ZC3H4: variants seen among roughly 807,000 people sequenced by gnomAD.
The protein encoded by ZC3H4 is zinc finger CCCH-type containing 4.
Under a neutral mutation model 108.3 loss-of-function variants are expected in ZC3H4, and 13 were observed. The observed-to-expected ratio is 0.12, with a 90% confidence interval of 0.08 to 0.19. The LOEUF (loss-of-function observed/expected upper bound fraction) is 0.19. Among genes scored for constraint, ZC3H4 ranks in the 10% least tolerant of loss-of-function variants. The probability of loss-of-function intolerance (pLI) is 1.00; values close to 1 mark genes in which losing one functional copy is unlikely to be tolerated. For synonymous variants in ZC3H4, 917 were observed against 749.6 expected, an observed-to-expected ratio of 1.22 and a Z score of -3.65; for missense variants, 1,734 against 1,838.8, an observed-to-expected ratio of 0.94 and a Z score of 1.04.
chr19:47,074,576 G>A (rs976046862), intron 11 of ZC3H4, among the ~76,000 whole-genome samples: 1 of 152,226 alleles, frequency 6.6e-6, no homozygotes, highest in Non-Finnish European at 1.5e-5. Flanking sequence ...TTTTGGGAGG[G>A]CTCCCAGCAT....
At position 47,072,246 on chromosome 19, in the gene ZC3H4, G is replaced by C. The variant is rs187703549; in HGVS notation, c.1802+106C>G. 1.1e-3 allele frequency: 1,584 copies of C among 1,409,688 alleles called. 23 individuals are homozygous for C. In the African/African-American group the frequency reaches 0.02, roughly 18 times the overall value. The allele number at this position is 1,409,688 out of a possible 1,614,324, so 87.3% of individuals were successfully genotyped here. A position where few individuals can be genotyped will look rare whatever the true frequency, so the allele number is the denominator to read the frequency against. On this transcript the variant is annotated intron_variant, in intron 12 of 14. Transcript: ENST00000253048. The surrounding 1 kb of genome is among the most constrained non-coding windows in gnomAD (Gnocchi z 5.6). ...CCCCAGACCAGGACTCCCACAGCTG[G>C]GGAGAGAGGCAGGACTCTCCCACAG...
chr19:47,072,579 G>A lies in ZC3H4; in HGVS notation c.1575C>T (p.Gly525=), dbSNP rs1568535467. ...CGTTGGGAGAGGTTGGAGCCTGCGG[G>A]CCAGGGGGCCGAGGAGGGGTGGGCA... is the stretch of plus-strand genomic sequence containing the variant. ...GLLPTPPRPP[G]PQAPTSPNGR... Residue 525 remains glycine (G), a synonymous_variant, in exon 12 of 15, where the codon GGC becomes GGT. Coordinates refer to ENST00000253048, the MANE Select transcript of ZC3H4 (RefSeq NM_015168.2). This position sits in a 1 kb window ranked among gnomAD's most constrained non-coding sequence, Gnocchi z 5.6. 11 of 1,583,770 alleles carry A rather than the reference G, an allele frequency of 6.9e-6. No homozygotes were observed. Among genetic ancestry groups the A allele is most frequent in the Non-Finnish European group, 6.9e-6 (8 of 1,167,768 alleles).
intron 14 of ZC3H4, among the ~76,000 whole-genome samples, chr19:47,068,628 C>CATTTTACCCCAAAGTG (rs1330838385): frequency 6.8e-6 from 1 of 147,018 alleles, no homozygotes; most frequent in Admixed American, 6.6e-5. Context: ...CACCACTTGT[C>CATTTTACCCCAAAGTG]ATTTTACCCC....
Position 47,071,856 on chromosome 19 carries a change from G to C in ZC3H4, c.2068C>G (p.Pro690Ala). 1 of 1,613,744 alleles carries C rather than the reference G, an allele frequency of 6.2e-7. No homozygotes were observed. Residue 690 changes from proline (P) to alanine (A), a missense_variant, in exon 13 of 15, where the codon CCA becomes GCA. Physicochemically the swap from Pro to Ala is conservative, Grantham distance 27. This residue lies in a region of ZC3H4 where 540 missense variants were observed against 484.1 expected (regional missense o/e 1.12). Coordinates refer to ENST00000253048, the MANE Select transcript of ZC3H4 (RefSeq NM_015168.2). ...AAGTTTTCATAGAAGTTCTGGGCTG[G>C]CGGGATAGGGGGCATCATTCCAGAA... ...PHSGMMPPIP[P>A]AQNFYENFYQ...
At chr19:47,112,349 T>C in intron 2 of ZC3H4, 75 bp downstream of exon 2, 3 of 1,208,046 alleles carry the variant, frequency 2.5e-6, no homozygotes, top group South Asian at 4.1e-5. Context: ...CGGCCCAACA[T>C]GGCGGCCGCC....
At chr19:47,069,435 T>C in intron 13 of ZC3H4, 92 bp from the exon 14 acceptor site, 3 of 1,475,972 alleles carry the variant, frequency 2.0e-6, no homozygotes, top group Non-Finnish European at 1.8e-6. Context: ...CCCACACCGA[T>C]GGCGATGGAG....
intron 11 of ZC3H4, among the ~76,000 whole-genome samples, chr19:47,075,716 GCA>G (rs1363904198): frequency 1.3e-5 from 2 of 152,086 alleles, no homozygotes; most frequent in African/African-American, 4.8e-5. Context: ...CACAAACAAG[GCA>G]CAGAGATTTA....
At chr19:47,092,552 C>T (rs1459141013) in intron 4 of ZC3H4, among the ~76,000 whole-genome samples, 1 of 152,192 alleles carries the variant, frequency 6.6e-6, no homozygotes, top group African/African-American at 2.4e-5. Context: ...CACGGTGGCT[C>T]TCGCCTGTAA....
chr19:47,066,168 T>C lies in ZC3H4; in HGVS notation c.*188A>G, dbSNP rs1334720596. The C allele has an allele frequency of 3.8e-6, 2 of 525,178 alleles. No individual in the cohort carries two copies. The highest frequency in any genetic ancestry group is 3.2e-5 in the East Asian group (1 of 30,982). The allele number at this position is 525,178 out of a possible 1,614,324, so 32.5% of individuals were successfully genotyped here. ...CACTGACCAGAACTTAAGATGGTTATATACAATTTACAAATCTCAAAGAAA... is the reference window on the plus strand; with the variant it reads ...CACTGACCAGAACTTAAGATGGTTACATACAATTTACAAATCTCAAAGAAA... On this transcript the variant is annotated 3_prime_UTR_variant, in exon 15 of 15. Transcript: ENST00000253048.
Position 47,067,256 on chromosome 19 carries a change from G to A in ZC3H4, c.3012C>T (p.Ser1004=). The part of the protein sequence containing the change: ...AVPPVPAALQ[S]MPTLDPRLHR... ...GCAGCCGGGGGTCCAGGGTGGGCAT[G>A]GATTGCAGGGCCGCGGGCACGGGGG... Residue 1004 remains serine, a synonymous_variant, in exon 15 of 15, where the codon TCC becomes TCT. Transcript: ENST00000253048. The surrounding 1 kb of genome is among the most constrained non-coding windows in gnomAD (Gnocchi z 6.4). The A allele has an allele frequency of 1.9e-6, 3 of 1,597,092 alleles. No individual in the cohort carries two copies. Among genetic ancestry groups the A allele is most frequent in the South Asian group, 2.2e-5 (2 of 89,082 alleles).
chr19:47,105,427 C>G (rs1360784014), intron 2 of ZC3H4, among the ~76,000 whole-genome samples: 2 of 152,138 alleles, frequency 1.3e-5, no homozygotes, highest in African/African-American at 4.8e-5. Flanking sequence ...ACGGTGAAAC[C>G]CCATCTCTAC....
Position 47,089,643 on chromosome 19 carries a change from G to C in ZC3H4, c.715+324C>G, listed in dbSNP as rs569230085. Among the ~76,000 whole-genome samples the C allele has an allele frequency of 1.4e-4, 22 of 152,316 alleles. No individual in the cohort carries two copies. The East Asian group carries it at 4.2e-3, about 29-fold the overall frequency. On this transcript the variant is annotated intron_variant, in intron 5 of 14. Transcript: ENST00000253048. ...GCTGGGAGAATGGGGGAGCACTGCTGTGGGGTGTGGCAGCCAGCTGTCAGT... is the reference window on the plus strand; with the variant it reads ...GCTGGGAGAATGGGGGAGCACTGCTCTGGGGTGTGGCAGCCAGCTGTCAGT...
chr19:47,084,708 A>G (rs1398795870), intron 8 of ZC3H4, among the ~76,000 whole-genome samples: 1 of 152,204 alleles, frequency 6.6e-6, no homozygotes, highest in Non-Finnish European at 1.5e-5. Context: ...GTTCCACACA[A>G]CTGTGCAGGA....
chr19:47,097,070 G>A (rs559512798), intron 2 of ZC3H4: 1 of 842,898 alleles, frequency 1.2e-6, no homozygotes, highest in South Asian at 5.4e-5. Context: ...GGAACTCCAA[G>A]AGCCTTAACC....
Position 47,067,884 on chromosome 19 carries a change from A to C in ZC3H4, c.2399-15T>G. 6.4e-7 allele frequency: 1 copy of C among 1,569,474 alleles called. No homozygotes were observed. The highest frequency in any genetic ancestry group is 8.6e-7 in the Non-Finnish European group (1 of 1,161,196). On this transcript the variant is annotated splice_polypyrimidine_tract_variant and intron_variant, in intron 14 of 14. Transcript: ENST00000253048. This position sits in a 1 kb window ranked among gnomAD's most constrained non-coding sequence, Gnocchi z 6.4. ...TCCGGTGTCACCTGGGAAAGAACAG[A>C]GGAGCAGGGAGGGGTGAGTGGGCGC...
At chr19:47,078,800 A>C (rs1052834581) in intron 11 of ZC3H4, among the ~76,000 whole-genome samples, 1 of 152,104 alleles carries the variant, frequency 6.6e-6, no homozygotes, top group African/African-American at 2.4e-5. Flanking sequence ...CAGAGGTTGC[A>C]GTGAGCCGAG....
At chr19:47,097,596 G>A (rs986789078) in intron 2 of ZC3H4, among the ~76,000 whole-genome samples, 3 of 152,202 alleles carry the variant, frequency 2.0e-5, no homozygotes, top group Admixed American at 6.5e-5. Context: ...TGGGAATCCC[G>A]TGGGCCACCA....
chr19:47,091,499 G>A (rs565549443), intron 4 of ZC3H4, among the ~76,000 whole-genome samples: 80 of 152,140 alleles, frequency 5.3e-4, no homozygotes, highest in African/African-American at 1.9e-3. Flanking sequence ...ACTTGAACCC[G>A]GGAGGCAGAG....
At chr19:47,091,731 CA>C (rs200343200) in intron 4 of ZC3H4, among the ~76,000 whole-genome samples, 1,834 of 138,926 alleles carry the variant, frequency 0.013, 16 homozygotes, top group Middle Eastern at 0.038. Flanking sequence ...ACTAAAAATA[CA>C]AAAAAAAAAA....
Sources: allele counts gnomAD v4.1 joint callset (sites outside exome capture counted in the v4.1 genomes callset), GRCh38; gene constraint gnomAD v4.1.1; regional missense constraint gnomAD v4.1.1; non-coding constraint Gnocchi (gnomAD v3.1); transcripts MANE v1.5; gene names NCBI Gene and HGNC (gene_info 2026-07-23, HGNC 2026-07-21).